SBF2: variants seen among roughly 807,000 people sequenced by gnomAD.
SBF2 encodes the protein myotubularin-related protein 13.
A neutral mutation model predicts 225.2 loss-of-function variants in SBF2; 112 were observed. The observed-to-expected ratio is 0.50, with a 90% CI of 0.43 to 0.58. SBF2 has a LOEUF of 0.58. SBF2 is among the 20% of genes least tolerant of loss of function. The pLI, the probability that SBF2 is intolerant of heterozygous loss-of-function variation, is 0.00. For synonymous variants in SBF2, 763 were observed against 773.3 expected, an observed-to-expected ratio of 0.99 and a Z score of 0.22; for missense variants, 1,996 against 2,206.2, an observed-to-expected ratio of 0.90 and a Z score of 1.91.
At chr11:10,004,616 C>T (rs1948116102) in intron 6 of SBF2, among the ~76,000 whole-genome samples, 1 of 145,788 alleles carries the variant, frequency 6.9e-6, no homozygotes, top group African/African-American at 2.5e-5. Context: ...ACCTCCCATA[C>T]CTCCCTCACA....
chr11:10,122,787 G>C (rs1419727934), intron 2 of SBF2, among the ~76,000 whole-genome samples: 4 of 152,292 alleles, frequency 2.6e-5, no homozygotes, highest in South Asian at 2.1e-4. Flanking sequence ...AGTAGGCTAG[G>C]TCAGCCCTTC....
rs567021983 is a variant in SBF2 at position 9,878,686 on chromosome 11, A to G, written c.1929+17257T>C. 1.5e-3 allele frequency among the ~76,000 whole-genome samples: 221 copies of G among 152,356 alleles called. 1 individual carries two copies. The highest frequency in any genetic ancestry group is 5.0e-3 in the African/African-American group (209 of 41,592). On this transcript the variant is annotated intron_variant, in intron 17 of 39. Transcript: ENST00000256190. ...TACACACAATGCTTGTTAAATTCCA[A>G]AAGGTTAATTACATATTTCCCAGAG...
chr11:10,007,747 C>T (rs1021564328), intron 6 of SBF2, among the ~76,000 whole-genome samples: 4 of 152,256 alleles, frequency 2.6e-5, no homozygotes, highest in South Asian at 4.1e-4. Context: ...TCTCCCAGGC[C>T]CGGAGCCCCT....
chr11:10,138,694 T>C (rs1039477789), intron 2 of SBF2, among the ~76,000 whole-genome samples: 8 of 152,202 alleles, frequency 5.3e-5, no homozygotes, highest in Non-Finnish European at 7.4e-5. Flanking sequence ...TTTGAACCAC[T>C]ATTTAGAAAC....
chr11:10,089,792 T>C (rs7105321), intron 2 of SBF2, among the ~76,000 whole-genome samples: 26,392 of 152,162 alleles, frequency 0.17, 2,480 homozygotes, highest in East Asian at 0.29. Context: ...CTTAAAAATA[T>C]ATTCTCAAAA....
rs1316431095 is a variant in SBF2, at chr11:10,177,014, C to G, written c.141+16888G>C. On this transcript the variant is annotated intron_variant, in intron 2 of 39. Coordinates refer to ENST00000256190, the MANE Select transcript of SBF2 (RefSeq NM_030962.4). ...CACCATGATCAAGTGGGCTTCATCC[C>G]TGGGATGCAAGGCTGGTTCAATATA... Among the ~76,000 whole-genome samples the G allele has an allele frequency of 4.6e-5, 7 of 152,026 alleles. No individual in the cohort carries two copies. The East Asian group carries it at 1.4e-3, about 29-fold the overall frequency.
intron 1 of SBF2, among the ~76,000 whole-genome samples, chr11:10,255,511 G>C (rs10770105): frequency 0.39 from 58,706 of 151,960 alleles, 11,458 homozygotes; most frequent in Non-Finnish European, 0.43. Flanking sequence ...GTTACTGTCA[G>C]TTCTGTGAAG....
At chr11:9,945,934 C>T (rs1865536232) in intron 16 of SBF2, among the ~76,000 whole-genome samples, 1 of 151,236 alleles carries the variant, frequency 6.6e-6, no homozygotes, top group Non-Finnish European at 1.5e-5. Flanking sequence ...AAAAAAAAAA[C>T]AGATGTTGGT....
intron 2 of SBF2, among the ~76,000 whole-genome samples, chr11:10,143,216 G>A (rs1591056844): frequency 6.6e-6 from 1 of 151,880 alleles, no homozygotes; most frequent in African/African-American, 2.4e-5. Context: ...CTGTTGCCCA[G>A]GCGGGAGTGC....
At chr11:10,154,867 C>T (rs976199890) in intron 2 of SBF2, among the ~76,000 whole-genome samples, 2 of 152,134 alleles carry the variant, frequency 1.3e-5, no homozygotes, top group Non-Finnish European at 2.9e-5. Flanking sequence ...GTCTCAGTGA[C>T]AGCTGATCTA....
At chr11:10,041,339 C>T (rs1035791688) in intron 3 of SBF2, among the ~76,000 whole-genome samples, 2 of 152,126 alleles carry the variant, frequency 1.3e-5, no homozygotes, top group African/African-American at 4.8e-5. Flanking sequence ...GACTTAAAGT[C>T]ACAGACTGAA....
intron 28 of SBF2, among the ~76,000 whole-genome samples, chr11:9,826,729 A>G (rs866122111): frequency 2.5e-4 from 36 of 146,876 alleles, no homozygotes; most frequent in African/African-American, 8.0e-4. Context: ...ATATATATAT[A>G]TATGTGTGTG....
chr11:10,257,727 T>G (rs1960994798), intron 1 of SBF2, among the ~76,000 whole-genome samples: 2 of 141,702 alleles, frequency 1.4e-5, no homozygotes, highest in South Asian at 4.5e-4. Flanking sequence ...TCAGGCACAG[T>G]GGCTCACGCC....
chr11:10,279,255 T>C (rs1246049266), intron 1 of SBF2, among the ~76,000 whole-genome samples: 1 of 150,112 alleles, frequency 6.7e-6, no homozygotes, highest in African/African-American at 2.5e-5. Context: ...CTACTAAAAA[T>C]ACAAAAACTT....
chr11:9,856,268 G>A (rs1230726581), intron 19 of SBF2, among the ~76,000 whole-genome samples, 190 bp downstream of exon 19: 1 of 152,228 alleles, frequency 6.6e-6, no homozygotes, highest in Non-Finnish European at 1.5e-5. Flanking sequence ...AGTGTGGGAA[G>A]TGGTTAAGAA....
At chr11:9,987,972 G>A (rs1010311783) in intron 13 of SBF2, among the ~76,000 whole-genome samples, 7 of 152,088 alleles carry the variant, frequency 4.6e-5, no homozygotes, top group African/African-American at 1.7e-4. Context: ...GCAAGACTAA[G>A]CAAAAAGAAC....
At chr11:10,113,886 A>C (rs1337201035) in intron 2 of SBF2, among the ~76,000 whole-genome samples, 1 of 152,054 alleles carries the variant, frequency 6.6e-6, no homozygotes, top group African/African-American at 2.4e-5. Flanking sequence ...TCTCCAGAAA[A>C]TTTGTAATTC....
chr11:9,914,765 GA>G (rs1862930989), intron 16 of SBF2, among the ~76,000 whole-genome samples: 1 of 152,066 alleles, frequency 6.6e-6, no homozygotes. Flanking sequence ...CACAGATTAA[GA>G]GAAAATATTG....
intron 2 of SBF2, among the ~76,000 whole-genome samples, chr11:10,125,358 T>G (rs1382455920): frequency 2.6e-5 from 4 of 152,152 alleles, no homozygotes; most frequent in African/African-American, 9.7e-5. Context: ...AAGTTTTTTT[T>G]GTACTGAAGT....
Sources: allele counts gnomAD v4.1 joint callset (sites outside exome capture counted in the v4.1 genomes callset), GRCh38; gene constraint gnomAD v4.1.1; transcripts MANE v1.5; gene names NCBI Gene and HGNC (gene_info 2026-07-23, HGNC 2026-07-21).